The following IMMP2L variants were observed in gnomAD, a reference collection of about 807,000 sequenced individuals.
IMMP2L encodes the protein mitochondrial inner membrane protease subunit 2.
A neutral mutation model predicts 19.3 loss-of-function variants in IMMP2L; 18 were observed. The ratio of observed to expected loss-of-function variants is 0.93; its 90% CI spans 0.64 to 1.38. The LOEUF (loss-of-function observed/expected upper bound fraction) is 1.38, where lower values mean the gene tolerates loss of function less well. Ranked by LOEUF, IMMP2L falls within the 40% of genes most tolerant of loss-of-function variation. The pLI is 0.00. For synonymous variants in IMMP2L, 76 were observed against 73.0 expected (o/e 1.04, Z -0.21); for missense variants, 233 against 218.2 (o/e 1.07, Z -0.43).
At chr7:110,738,588 C>T (rs1013805144) in intron 5 of IMMP2L, among the ~76,000 whole-genome samples, 4 of 152,156 alleles carry the variant, frequency 2.6e-5, no homozygotes, top group African/African-American at 7.2e-5. Flanking sequence ...ACGTCCAAAC[C>T]TAAGAATAAT....
chr7:111,383,865 T>A (rs1831448693), intron 3 of IMMP2L, among the ~76,000 whole-genome samples: 1 of 152,168 alleles, frequency 6.6e-6, no homozygotes, highest in Non-Finnish European at 1.5e-5. Flanking sequence ...AGTTTATATG[T>A]CACCTTATCA....
chr7:110,704,015 T>G (rs1480634545), intron 5 of IMMP2L, among the ~76,000 whole-genome samples: 1 of 151,930 alleles, frequency 6.6e-6, no homozygotes, highest in African/African-American at 2.4e-5. Flanking sequence ...CCGGCTAATT[T>G]TTTTTGTATT....
chr7:110,879,818 G>A (rs1472356864), intron 5 of IMMP2L, among the ~76,000 whole-genome samples: 5 of 152,038 alleles, frequency 3.3e-5, no homozygotes, highest in Non-Finnish European at 7.4e-5. Flanking sequence ...ATCTGCACTG[G>A]TAATGACCTT....
intron 3 of IMMP2L, among the ~76,000 whole-genome samples, chr7:111,188,907 A>C (rs1053166553): frequency 2.0e-5 from 3 of 152,138 alleles, no homozygotes; most frequent in Admixed American, 2.0e-4. Context: ...TTTTAAGCCA[A>C]GGGAATTATT....
chr7:111,527,580 A>G (rs1846999558), intron 1 of IMMP2L, among the ~76,000 whole-genome samples: 1 of 152,170 alleles, frequency 6.6e-6, no homozygotes, highest in South Asian at 2.1e-4. Flanking sequence ...AGTTGCCTTT[A>G]TGGTTTGAGA....
chr7:111,485,283 A>G (rs145787787), intron 3 of IMMP2L, among the ~76,000 whole-genome samples: 39 of 152,286 alleles, frequency 2.6e-4, no homozygotes, highest in African/African-American at 8.9e-4. Flanking sequence ...TGACAAAGAT[A>G]TAGCACATAA....
intron 2 of IMMP2L, among the ~76,000 whole-genome samples, chr7:111,520,160 ATCTT>A (rs1292630935): frequency 5.3e-5 from 8 of 152,240 alleles, no homozygotes; most frequent in African/African-American, 1.4e-4. Context: ...ATGCCTATAA[ATCTT>A]TCTTTCTATG....
chr7:111,132,998 AGTT>A (rs1350039035), intron 3 of IMMP2L, among the ~76,000 whole-genome samples: 3 of 152,064 alleles, frequency 2.0e-5, no homozygotes, highest in East Asian at 1.9e-4. Flanking sequence ...GGCCAAGCTT[AGTT>A]GTTGTTACTG....
At chr7:111,391,657 A>G (rs1327553748) in intron 3 of IMMP2L, among the ~76,000 whole-genome samples, 1 of 152,184 alleles carries the variant, frequency 6.6e-6, no homozygotes, top group African/African-American at 2.4e-5. Context: ...CGTGAAAATT[A>G]TAGGTAATGC....
At chr7:111,164,355 A>C (rs536136635) in intron 3 of IMMP2L, among the ~76,000 whole-genome samples, 2 of 151,322 alleles carry the variant, frequency 1.3e-5, no homozygotes, top group Non-Finnish European at 2.9e-5. Context: ...ACAAGTAAGC[A>C]GCAGAGGGAG....
At chr7:110,995,757 T>A (rs1410483339) in intron 3 of IMMP2L, among the ~76,000 whole-genome samples, 1 of 152,076 alleles carries the variant, frequency 6.6e-6, no homozygotes, top group Non-Finnish European at 1.5e-5. Context: ...GTATGCTACA[T>A]CTCTCCCCCA....
rs1262939768 is a variant in IMMP2L, at chr7:110,924,168, C to T, written c.306-37473G>A. On this transcript the variant is annotated intron_variant, in intron 4 of 5. Transcript: ENST00000405709. The surrounding 1 kb of genome is among the most constrained non-coding windows in gnomAD (Gnocchi z 4.2). ...GCACTGATTCATTTGAACAGGCAAC[C>T]TTTATCAGCATGAAGCCAGGTTTGG... Among the ~76,000 whole-genome samples the T allele has an allele frequency of 1.3e-5, 2 of 152,164 alleles. No homozygotes were observed. Among genetic ancestry groups the T allele is most frequent in the Non-Finnish European group, 2.9e-5 (2 of 68,032 alleles).
intron 3 of IMMP2L, among the ~76,000 whole-genome samples, chr7:111,376,926 A>T (rs1830727537): frequency 6.6e-6 from 1 of 151,936 alleles, no homozygotes; most frequent in African/African-American, 2.4e-5. Context: ...CAGCTAAGGG[A>T]TGTGGGGTTT....
intron 4 of IMMP2L, among the ~76,000 whole-genome samples, chr7:110,937,800 T>G (rs1816285399): frequency 6.6e-6 from 1 of 152,324 alleles, no homozygotes; most frequent in East Asian, 1.9e-4. Context: ...TTCACAGTAG[T>G]ATCTCAGCCT....
intron 3 of IMMP2L, among the ~76,000 whole-genome samples, chr7:111,011,895 T>G (rs150460066): frequency 1.3e-5 from 2 of 152,122 alleles, no homozygotes; most frequent in Admixed American, 1.3e-4. Context: ...AAAATTCTTA[T>G]GACATTGCCA....
At chr7:111,261,041 G>A (rs1439860171) in intron 3 of IMMP2L, among the ~76,000 whole-genome samples, 1 of 152,082 alleles carries the variant, frequency 6.6e-6, no homozygotes, top group East Asian at 1.9e-4. Flanking sequence ...TAAAAAAGAT[G>A]CCCTTCTCTA....
intron 5 of IMMP2L, among the ~76,000 whole-genome samples, chr7:110,683,576 A>G (rs893187298): frequency 8.5e-5 from 13 of 152,128 alleles, no homozygotes; most frequent in African/African-American, 3.1e-4. Context: ...TTAAACTATC[A>G]TACAGATTTT....
intron 5 of IMMP2L, among the ~76,000 whole-genome samples, chr7:110,871,374 C>A (rs1228092305): frequency 1.3e-5 from 2 of 152,016 alleles, no homozygotes; most frequent in Non-Finnish European, 2.9e-5. Flanking sequence ...CAGGATCAAG[C>A]TCAGGGGCAT....
chr7:110,666,696 G>A lies in IMMP2L; in HGVS notation c.409-2975C>T, dbSNP rs773628322. Among the ~76,000 whole-genome samples the A allele has an allele frequency of 1.2e-4, 18 of 151,928 alleles. No homozygotes were observed. In the South Asian group the frequency reaches 2.3e-3, roughly 19 times the overall value. Reference sequence around the variant, plus strand: ...ACCAAAAAGTTCTCCCTCACCTTCCGCACTCCATATTTTATCTCCCTTCTT... The same window carrying A: ...ACCAAAAAGTTCTCCCTCACCTTCCACACTCCATATTTTATCTCCCTTCTT... On this transcript the variant is annotated intron_variant, in intron 5 of 5. Coordinates refer to ENST00000405709, the MANE Select transcript of IMMP2L (RefSeq NM_032549.4).
Sources: gnomAD v4.1 joint callset for allele counts (sites outside exome capture counted in the v4.1 genomes callset) on GRCh38, gnomAD v4.1.1 for gene constraint, Gnocchi (gnomAD v3.1) non-coding constraint, MANE v1.5 for transcripts, NCBI Gene and HGNC (gene_info 2026-07-23, HGNC 2026-07-21) for gene names.